TTC1: variants seen among roughly 807,000 people sequenced by gnomAD.
TTC1 encodes tetratricopeptide repeat domain 1.
In TTC1, 31 loss-of-function variants were observed where a neutral mutation model predicts 37.6. The ratio of observed to expected loss-of-function variants is 0.82; its 90% confidence interval spans 0.62 to 1.11. TTC1 has a LOEUF of 1.11. Ranked by LOEUF, TTC1 falls within the 50% of genes most tolerant of loss-of-function variation. The probability of loss-of-function intolerance (pLI) is 0.00; values close to 1 mark genes in which losing one functional copy is unlikely to be tolerated. For synonymous variants in TTC1, 127 were observed against 122.4 expected (o/e 1.04, Z -0.25); for missense variants, 351 against 339.0 (o/e 1.04, Z -0.28).
At chr5:160,040,235 TATAG>T (rs1757063566) in intron 4 of TTC1, among the ~76,000 whole-genome samples, 1 of 152,042 alleles carries the variant, frequency 6.6e-6, no homozygotes, top group African/African-American at 2.4e-5. Context: ...CATCTATATA[TATAG>T]ATACATAAAC....
intron 6 of TTC1, 47 bp from the exon 7 acceptor site, chr5:160,051,082 G>GTT (rs5872626): frequency 1.3e-3 from 1,601 of 1,233,718 alleles, no homozygotes; most frequent in South Asian, 3.3e-3. Flanking sequence ...AAAGGTTTTG[G>GTT]TTTTTTTTTT....
chr5:160,010,791 A>G lies in TTC1; in HGVS notation c.263A>G (p.Asn88Ser). The G allele has an allele frequency of 6.2e-7, 1 of 1,614,234 alleles. No homozygotes were observed. Among genetic ancestry groups the G allele is most frequent in the Admixed American group, 1.7e-5 (1 of 60,028 alleles). ...KVENKSNEDV[N>S]SSELDEEYLI... ...GAGAACAAATCTAATGAAGATGTGAATTCCTCTGAACTAGATGAAGAATAC... is the reference window on the plus strand; with the variant it reads ...GAGAACAAATCTAATGAAGATGTGAGTTCCTCTGAACTAGATGAAGAATAC... The change falls in exon 2 of 8, where the codon AAT becomes AGT. Residue 88 changes from asparagine to serine, a missense_variant. Transcript: ENST00000231238.
intron 7 of TTC1, among the ~76,000 whole-genome samples, chr5:160,063,961 C>G (rs555346442): frequency 7.7e-6 from 1 of 129,988 alleles, no homozygotes; most frequent in Admixed American, 8.7e-5. Context: ...GGCTATAGAC[C>G]ATGACTTTTT....
chr5:160,041,664 A>G (rs1757097238), intron 4 of TTC1, among the ~76,000 whole-genome samples: 1 of 152,166 alleles, frequency 6.6e-6, no homozygotes, highest in African/African-American at 2.4e-5. Flanking sequence ...TTACCCCAGC[A>G]TCACACCAAC....
At position 160,065,178 on chromosome 5, in the gene TTC1, G is replaced by A. The variant is rs1032838528; in HGVS notation, c.*113G>A. 2 of 1,445,682 alleles carry A rather than the reference G, an allele frequency of 1.4e-6. No individual in the cohort carries two copies. Among genetic ancestry groups the A allele is most frequent in the Admixed American group, 3.9e-5 (2 of 50,692 alleles). 89.6% of individuals were successfully genotyped at this position (1,445,682 alleles called of 1,614,324 possible). A position where few individuals can be genotyped will look rare whatever the true frequency, so the allele number is the denominator to read the frequency against. On this transcript the variant is annotated 3_prime_UTR_variant, in exon 8 of 8. Transcript: ENST00000231238. Reference sequence around the variant, plus strand: ...TTAAAAGCATCTTATCTAAAAGAAAGGCTATCCAGTAGAGCCCAGTGCTCC... The same window carrying A: ...TTAAAAGCATCTTATCTAAAAGAAAAGCTATCCAGTAGAGCCCAGTGCTCC...
At chr5:160,032,686 G>GAGTTCT (rs1311783074) in intron 2 of TTC1, among the ~76,000 whole-genome samples, 4 of 135,982 alleles carry the variant, frequency 2.9e-5, no homozygotes, top group Non-Finnish European at 6.2e-5. Flanking sequence ...GAGCCTCCTT[G>GAGTTCT]AGTTCTACCT....
At chr5:160,058,560 A>G (rs1052889565) in intron 7 of TTC1, among the ~76,000 whole-genome samples, 1 of 151,792 alleles carries the variant, frequency 6.6e-6, no homozygotes, top group African/African-American at 2.4e-5. Flanking sequence ...ACAGGTGCCC[A>G]CCACCAAGCC....
At chr5:160,042,818 C>T (rs1468250613) in intron 4 of TTC1, among the ~76,000 whole-genome samples, 1 of 152,080 alleles carries the variant, frequency 6.6e-6, no homozygotes, top group East Asian at 1.9e-4. Context: ...TGTTTTAGGT[C>T]ACAAAGTTTC....
chr5:160,050,974 G>A (rs1457875596), intron 6 of TTC1, among the ~76,000 whole-genome samples, 155 bp from the exon 7 acceptor site: 1 of 93,394 alleles, frequency 1.1e-5, no homozygotes, highest in African/African-American at 4.3e-5. Context: ...ATAAATACTT[G>A]GGGTTTTTTT....
intron 7 of TTC1, among the ~76,000 whole-genome samples, chr5:160,056,597 C>A (rs1356129777): frequency 6.6e-6 from 1 of 152,120 alleles, no homozygotes; most frequent in East Asian, 1.9e-4. Flanking sequence ...GTGGCATGTG[C>A]CTGTAGTCTC....
intron 4 of TTC1, among the ~76,000 whole-genome samples, chr5:160,038,659 C>CTTTT (rs541012506): frequency 7.5e-4 from 90 of 120,164 alleles, no homozygotes; most frequent in African/African-American, 1.1e-3. Context: ...AGTTGCGTTT[C>CTTTT]TTTTTTTTTT....
chr5:160,058,681 G>C (rs948451586), intron 7 of TTC1, among the ~76,000 whole-genome samples: 2 of 152,054 alleles, frequency 1.3e-5, no homozygotes, highest in Non-Finnish European at 2.9e-5. Context: ...AAAGTGCTGG[G>C]ATTACAGGCG....
At chr5:160,010,917 C>T in intron 2 of TTC1, 59 bp downstream of exon 2, 7 of 1,489,660 alleles carry the variant, frequency 4.7e-6, no homozygotes, top group Non-Finnish European at 5.5e-6. Context: ...AAAATGTGGT[C>T]GATACTGTAT....
intron 4 of TTC1, among the ~76,000 whole-genome samples, 159 bp downstream of exon 4, chr5:160,036,962 T>C (rs1757008926): frequency 6.6e-6 from 1 of 152,180 alleles, no homozygotes; most frequent in South Asian, 2.1e-4. Context: ...GAAAATCTTT[T>C]GAAAAACTTG....
chr5:160,052,894 A>G (rs1409301790), intron 7 of TTC1, among the ~76,000 whole-genome samples: 1 of 152,240 alleles, frequency 6.6e-6, no homozygotes, highest in African/African-American at 2.4e-5. Flanking sequence ...TTCACCTGCC[A>G]TTAGACTTAA....
intron 2 of TTC1, among the ~76,000 whole-genome samples, chr5:160,016,264 G>GCTA (rs1464722640): frequency 3.9e-5 from 6 of 152,122 alleles, no homozygotes; most frequent in African/African-American, 1.4e-4. Context: ...TATAGTCCCA[G>GCTA]CTACTTAGAA....
At chr5:160,026,648 CT>C (rs1309524272) in intron 2 of TTC1, among the ~76,000 whole-genome samples, 1 of 151,940 alleles carries the variant, frequency 6.6e-6, no homozygotes, top group African/African-American at 2.4e-5. Flanking sequence ...TACACAGTAT[CT>C]TTTTTTTATA....
intron 2 of TTC1, among the ~76,000 whole-genome samples, chr5:160,032,702 C>CTTTTTTTTTTTTTT (rs70987990): frequency 2.7e-5 from 2 of 74,712 alleles, no homozygotes; most frequent in Admixed American, 1.7e-4. Context: ...TACCTGCTTT[C>CTTTTTTTTTTTTTT]TTTTTTTTTT....
chr5:160,010,257 C>CAAAAAAAAAAAAAA (rs397882520), intron 1 of TTC1, among the ~76,000 whole-genome samples: 1 of 50,318 alleles, frequency 2.0e-5, no homozygotes. Flanking sequence ...GATTAAGTCT[C>CAAAAAAAAAAAAAA]AAAAAAAAAA....
Sources: gnomAD v4.1 joint callset for allele counts (sites outside exome capture counted in the v4.1 genomes callset) on GRCh38, gnomAD v4.1.1 for gene constraint, MANE v1.5 for transcripts, NCBI Gene and HGNC (gene_info 2026-07-23, HGNC 2026-07-21) for gene names.